Variants in CADPS observed in about 807,000 individuals in gnomAD.
CADPS encodes calcium dependent secretion activator, also known as calcium-dependent secretion activator 1.
CADPS carries 57 observed loss-of-function variants against 167.3 expected under a neutral mutation model. That is an observed-to-expected ratio of 0.34 (90% CI 0.28 to 0.42). CADPS has a LOEUF of 0.42. CADPS is among the 20% of genes least tolerant of loss of function. The pLI is 1.00. For missense variants in CADPS, 1,414 were observed against 1,738.1 expected, an observed-to-expected ratio of 0.81 and a Z score of 3.32; for synonymous variants, 676 against 635.3, an observed-to-expected ratio of 1.06 and a Z score of -0.96.
At chr3:62,868,267 T>C (rs1257832767) in intron 1 of CADPS, among the ~76,000 whole-genome samples, 1 of 152,036 alleles carries the variant, frequency 6.6e-6, no homozygotes, top group East Asian at 1.9e-4. Flanking sequence ...GTCAGATCAG[T>C]GATACTTGTT....
chr3:62,689,504 C>T (rs1580470024), intron 3 of CADPS, among the ~76,000 whole-genome samples: 1 of 152,034 alleles, frequency 6.6e-6, no homozygotes, highest in African/African-American at 2.4e-5. Context: ...CACTTGAATG[C>T]CAGTGTCCTG....
At position 62,421,513 on chromosome 3, in the gene CADPS, C is replaced by T. The variant is rs2051384055; in HGVS notation, c.3777+16591G>A. 2.0e-5 allele frequency among the ~76,000 whole-genome samples: 3 copies of T among 152,194 alleles called. No individual in the cohort carries two copies. Among genetic ancestry groups the T allele is most frequent in the Non-Finnish European group, 4.4e-5 (3 of 68,044 alleles). ...CACCCACAGCAGCTGTCACTTTTGT[C>T]GAGCAAGTTAATCAAGCAAATGCCA... is the stretch of plus-strand genomic sequence containing the variant. On this transcript the variant is annotated intron_variant, in intron 28 of 29. Coordinates refer to ENST00000383710, the MANE Select transcript of CADPS (RefSeq NM_003716.4). This position sits in a 1 kb window ranked among gnomAD's most constrained non-coding sequence, Gnocchi z 4.7.
At chr3:62,454,669 G>A (rs1025631613) in intron 26 of CADPS, among the ~76,000 whole-genome samples, 1 of 152,142 alleles carries the variant, frequency 6.6e-6, no homozygotes, top group Non-Finnish European at 1.5e-5. Context: ...TAACCATCAA[G>A]GATAATATTC....
chr3:62,662,359 T>C lies in CADPS; in HGVS notation c.924A>G (p.Arg308=). The change falls in exon 4 of 30, where the codon AGA becomes AGG. Residue 308 remains arginine, a synonymous_variant. Coordinates refer to ENST00000383710, the MANE Select transcript of CADPS (RefSeq NM_003716.4). ...DNPDEQAAQI[R]RELDGRLQMA... is the part of the protein sequence containing the mutation. ...TTTGTAGACGTCCATCCAGCTCTCG[T>C]CTGATCTGGGCTGCTTGCTCATCTG... The C allele has an allele frequency of 6.2e-7, 1 of 1,614,038 alleles. No homozygotes were observed. The highest frequency in any genetic ancestry group is 8.5e-7 in the Non-Finnish European group (1 of 1,179,932).
intron 3 of CADPS, among the ~76,000 whole-genome samples, chr3:62,721,784 A>G (rs1374206655): frequency 1.3e-5 from 2 of 152,108 alleles, no homozygotes; most frequent in African/African-American, 2.4e-5. Flanking sequence ...TAATGTTCAC[A>G]TCAACCTTGT....
At chr3:62,590,713 G>T (rs925532861) in intron 7 of CADPS, among the ~76,000 whole-genome samples, 3 of 152,252 alleles carry the variant, frequency 2.0e-5, no homozygotes, top group Admixed American at 2.0e-4. Flanking sequence ...GTGCCTGTGT[G>T]CTTGTCTGGG....
intron 1 of CADPS, among the ~76,000 whole-genome samples, chr3:62,777,163 T>C (rs2090501871): frequency 6.6e-6 from 1 of 152,198 alleles, no homozygotes; most frequent in African/African-American, 2.4e-5. Flanking sequence ...ATCTTGGGTC[T>C]TATAAGGTTT....
rs530205999 is a variant in CADPS at position 62,821,669 on chromosome 3, A to C, written c.441+52920T>G. Among the ~76,000 whole-genome samples the C allele has an allele frequency of 2.6e-5, 4 of 152,326 alleles. No individual in the cohort carries two copies. The South Asian group carries it at 8.3e-4, about 32-fold the overall frequency. On this transcript the variant is annotated intron_variant, in intron 1 of 29. Coordinates refer to ENST00000383710, the MANE Select transcript of CADPS (RefSeq NM_003716.4). ...GTCATGCTGGATTAAGGTCCACCCT[A>C]ATGATCTCATCTTAACTTGATTAAC... is the stretch of plus-strand genomic sequence containing the variant.
chr3:62,550,650 C>T (rs913267852), intron 10 of CADPS, among the ~76,000 whole-genome samples: 1 of 152,078 alleles, frequency 6.6e-6, no homozygotes, highest in African/African-American at 2.4e-5. Flanking sequence ...ATTCAGATGG[C>T]GCTGGTGTGA....
intron 3 of CADPS, among the ~76,000 whole-genome samples, chr3:62,701,518 A>G (rs2081377631): frequency 6.6e-6 from 1 of 151,300 alleles, no homozygotes; most frequent in African/African-American, 2.4e-5. Flanking sequence ...CTGAGGCAGG[A>G]GAATTGTTTG....
At chr3:62,509,188 C>T (rs1393149109) in intron 17 of CADPS, among the ~76,000 whole-genome samples, 2 of 151,260 alleles carry the variant, frequency 1.3e-5, no homozygotes, top group African/African-American at 4.9e-5. Context: ...CCTGTAGTCC[C>T]AGCCACTTCG....
chr3:62,843,164 C>T (rs2076885100), intron 1 of CADPS, among the ~76,000 whole-genome samples: 1 of 151,956 alleles, frequency 6.6e-6, no homozygotes, highest in South Asian at 2.1e-4. Flanking sequence ...AATGATCTTC[C>T]CTATGACAGA....
At chr3:62,801,743 G>A (rs774946717) in intron 1 of CADPS, among the ~76,000 whole-genome samples, 16 of 151,800 alleles carry the variant, frequency 1.1e-4, no homozygotes, top group African/African-American at 2.7e-4. Context: ...TCATTACCCC[G>A]TTTTACGGAT....
intron 11 of CADPS, among the ~76,000 whole-genome samples, chr3:62,545,236 C>T (rs1395353036): frequency 1.3e-5 from 2 of 152,000 alleles, no homozygotes; most frequent in East Asian, 1.9e-4. Flanking sequence ...TACCCTCTTC[C>T]CCCACCCCAC....
chr3:62,462,540 T>TG (rs1560703627), intron 26 of CADPS, among the ~76,000 whole-genome samples: 1 of 152,168 alleles, frequency 6.6e-6, no homozygotes, highest in African/African-American at 2.4e-5. Flanking sequence ...GTCAGCTTTC[T>TG]GGGGGGCAGA....
At chr3:62,474,925 T>C (rs541895622) in intron 23 of CADPS, among the ~76,000 whole-genome samples, 2 of 152,324 alleles carry the variant, frequency 1.3e-5, no homozygotes, top group South Asian at 2.1e-4. Flanking sequence ...CTGTTAAAGA[T>C]GGCTACCTTT....
At chr3:62,414,768 A>G (rs903564142) in intron 28 of CADPS, among the ~76,000 whole-genome samples, 1 of 152,194 alleles carries the variant, frequency 6.6e-6, no homozygotes. Context: ...CTAGGCCCAA[A>G]TAGAGGCCAC....
intron 1 of CADPS, among the ~76,000 whole-genome samples, chr3:62,854,673 G>A (rs11720115): frequency 0.047 from 7,094 of 152,124 alleles, 190 homozygotes; most frequent in East Asian, 0.091. Context: ...TTGTGTAGTC[G>A]TAAGTAACAA....
chr3:62,681,053 A>G (rs1448295692), intron 3 of CADPS, among the ~76,000 whole-genome samples: 1 of 152,022 alleles, frequency 6.6e-6, no homozygotes, highest in Non-Finnish European at 1.5e-5. Flanking sequence ...ACCCTGCTCC[A>G]TGCATTTCCC....
Sources: allele counts gnomAD v4.1 joint callset (sites outside exome capture counted in the v4.1 genomes callset), GRCh38; gene constraint gnomAD v4.1.1; non-coding constraint Gnocchi (gnomAD v3.1); transcripts MANE v1.5; gene names NCBI Gene and HGNC (gene_info 2026-07-23, HGNC 2026-07-21).